Variants in ADK observed in about 807,000 individuals in gnomAD.
ADK encodes the protein adenosine kinase, also known as N6,N6-dimethyladenosine kinase.
Under a neutral mutation model 44.7 loss-of-function variants are expected in ADK, and 24 were observed. The ratio of observed to expected loss-of-function variants is 0.54; its 90% CI spans 0.39 to 0.76. The LOEUF (loss-of-function observed/expected upper bound fraction) is 0.76. Ranked by LOEUF, ADK falls within the 30% of genes least tolerant of loss-of-function variation. The probability of loss-of-function intolerance (pLI) is 0.00; values close to 1 mark genes in which losing one functional copy is unlikely to be tolerated. For synonymous variants in ADK, 128 were observed against 142.6 expected, an observed-to-expected ratio of 0.90 and a Z score of 0.73; for missense variants, 321 against 425.1, an observed-to-expected ratio of 0.76 and a Z score of 2.15.
chr10:74,573,794 G>A (rs183881115), intron 7 of ADK, among the ~76,000 whole-genome samples: 86 of 152,312 alleles, frequency 5.6e-4, no homozygotes, highest in African/African-American at 1.8e-3. Context: ...CTCCATGGGC[G>A]TAGGACCCTC....
chr10:74,243,217 T>C (rs1203718694), intron 3 of ADK, among the ~76,000 whole-genome samples: 2 of 152,220 alleles, frequency 1.3e-5, no homozygotes, highest in South Asian at 2.1e-4. Context: ...TGGGTGCTGC[T>C]GTGGGACCTG....
rs997382632 is a variant in ADK, at chr10:74,655,901, G to T, written c.878-14282G>T. The T allele has an allele frequency of 2.0e-5, 13 of 664,204 alleles. No individual in the cohort carries two copies. In the African/African-American group the frequency reaches 2.3e-4, roughly 12 times the overall value. 41.1% of individuals were successfully genotyped at this position (664,204 alleles called of 1,614,324 possible). A position where few individuals can be genotyped will look rare whatever the true frequency, so the allele number is the denominator to read the frequency against. ...AGAATGCTTCTACCCTAGCTGACCT[G>T]ACAGAGGGTCAGGTTGGCAAGCTGC... is the stretch of plus-strand genomic sequence containing the variant. On this transcript the variant is annotated intron_variant, in intron 9 of 10. Coordinates refer to ENST00000539909, the MANE Select transcript of ADK (RefSeq NM_006721.4).
intron 10 of ADK, among the ~76,000 whole-genome samples, chr10:74,683,011 A>G (rs1855667643): frequency 6.6e-6 from 1 of 152,208 alleles, no homozygotes; most frequent in South Asian, 2.1e-4. Context: ...ACAAGTTGTT[A>G]TTTGAGTTCA....
chr10:74,205,386 A>T (rs1455479572), intron 2 of ADK, among the ~76,000 whole-genome samples: 1 of 152,144 alleles, frequency 6.6e-6, no homozygotes, highest in Non-Finnish European at 1.5e-5. Flanking sequence ...TTTGAAATGT[A>T]ATTAGAAGAC....
intron 6 of ADK, among the ~76,000 whole-genome samples, chr10:74,419,874 A>G (rs2133016259): frequency 6.6e-6 from 1 of 152,306 alleles, no homozygotes; most frequent in Non-Finnish European, 1.5e-5. Context: ...GAAAAAAAGA[A>G]CTATAGGAGG....
intron 3 of ADK, among the ~76,000 whole-genome samples, chr10:74,230,046 CTTT>C (rs5786138): frequency 1.0e-4 from 12 of 116,170 alleles, no homozygotes; most frequent in Admixed American, 2.7e-4. Flanking sequence ...TTAAAAGAAT[CTTT>C]TTTTTTTTTT....
intron 10 of ADK, among the ~76,000 whole-genome samples, chr10:74,677,357 G>C (rs550022429): frequency 1.3e-5 from 2 of 152,164 alleles, no homozygotes; most frequent in Non-Finnish European, 2.9e-5. Flanking sequence ...TCCTCTTCAT[G>C]TGGCACCTAT....
At chr10:74,526,962 T>G (rs1232775285) in intron 7 of ADK, among the ~76,000 whole-genome samples, 3 of 152,198 alleles carry the variant, frequency 2.0e-5, no homozygotes, top group African/African-American at 7.2e-5. Flanking sequence ...AAGTTAACAT[T>G]TGGTCTCAGA....
chr10:74,381,725 A>G (rs1346683789), intron 4 of ADK, among the ~76,000 whole-genome samples: 1 of 152,222 alleles, frequency 6.6e-6, no homozygotes, highest in Non-Finnish European at 1.5e-5. Flanking sequence ...ATGGCTTGTT[A>G]TGTGACTGAG....
In ADK at chr10:74,240,372, T is replaced by TTG. The variant is rs142465407; in HGVS notation, c.194+15809_194+15810dup. Among the ~76,000 whole-genome samples, 734 of 147,236 alleles carry TTG rather than the reference T, an allele frequency of 5.0e-3. 5 individuals are homozygous for TTG. Among genetic ancestry groups the TTG allele is most frequent in the South Asian group, 0.023 (106 of 4,582 alleles). The stretch of plus-strand genomic sequence containing the variant: ...AGCCTGTCAGTGTTTTCCTTTTATT[T>TTG]TGTGTGTGTGTGTGTGTGTGTGTGT... On this transcript the variant is annotated intron_variant, in intron 3 of 10. Coordinates refer to ENST00000539909, the MANE Select transcript of ADK (RefSeq NM_006721.4).
At chr10:74,296,620 CT>C (rs1177747975) in intron 3 of ADK, among the ~76,000 whole-genome samples, 1 of 107,308 alleles carries the variant, frequency 9.3e-6, no homozygotes, top group African/African-American at 3.5e-5. Context: ...TTTTTTTTTT[CT>C]TTTTTTTTGA....
intron 6 of ADK, among the ~76,000 whole-genome samples, chr10:74,499,675 G>A (rs1013080756): frequency 1.3e-5 from 2 of 151,390 alleles, no homozygotes; most frequent in South Asian, 2.1e-4. Context: ...GCGACAGAGC[G>A]AGACTCCATC....
chr10:74,219,048 G>T (rs917798879), intron 2 of ADK, among the ~76,000 whole-genome samples: 2 of 151,986 alleles, frequency 1.3e-5, no homozygotes, highest in African/African-American at 2.4e-5. Flanking sequence ...TGGACTAAAT[G>T]CTCCAATTAA....
intron 6 of ADK, among the ~76,000 whole-genome samples, chr10:74,412,741 G>T (rs1365284823): frequency 6.6e-6 from 1 of 152,076 alleles, no homozygotes; most frequent in Non-Finnish European, 1.5e-5. Flanking sequence ...CTGAGCAGTA[G>T]ATCTCAACAG....
At chr10:74,596,800 G>A (rs1279743752) in intron 8 of ADK, among the ~76,000 whole-genome samples, 2 of 152,102 alleles carry the variant, frequency 1.3e-5, no homozygotes, top group Admixed American at 6.5e-5. Flanking sequence ...ACCCGCCTCC[G>A]CCTCCCAGTG....
intron 4 of ADK, among the ~76,000 whole-genome samples, chr10:74,336,138 C>T (rs1841401612): frequency 6.6e-6 from 1 of 152,090 alleles, no homozygotes; most frequent in Non-Finnish European, 1.5e-5. Flanking sequence ...CATAGTTTTA[C>T]TTTTTACATG....
At chr10:74,407,013 C>T (rs1287261756) in intron 6 of ADK, among the ~76,000 whole-genome samples, 3 of 139,788 alleles carry the variant, frequency 2.1e-5, no homozygotes, top group East Asian at 2.1e-4. Context: ...GACAAGTTCT[C>T]GTTCCGTCGC....
At chr10:74,605,210 C>T (rs946437326) in intron 9 of ADK, among the ~76,000 whole-genome samples, 1 of 152,202 alleles carries the variant, frequency 6.6e-6, no homozygotes, top group Admixed American at 6.5e-5. Context: ...TTGACTTCCT[C>T]TCTTCCTATT....
intron 10 of ADK, among the ~76,000 whole-genome samples, chr10:74,679,147 C>T (rs948751508): frequency 6.6e-6 from 1 of 152,138 alleles, no homozygotes. Flanking sequence ...TTAGCCCTAG[C>T]CATTTTGCTA....
Sources: gnomAD v4.1 joint callset for allele counts (sites outside exome capture counted in the v4.1 genomes callset) on GRCh38, gnomAD v4.1.1 for gene constraint, MANE v1.5 for transcripts, NCBI Gene and HGNC (gene_info 2026-07-23, HGNC 2026-07-21) for gene names.